Variants in LPP observed in about 807,000 individuals in gnomAD.
LPP encodes LIM domain containing preferred translocation partner in lipoma.
In LPP, 38 loss-of-function variants were observed where a neutral mutation model predicts 60.4. That is an observed-to-expected ratio of 0.63 (90% CI 0.49 to 0.83). The LOEUF (loss-of-function observed/expected upper bound fraction) is 0.83. Ranked by LOEUF, LPP falls within the 40% of genes least tolerant of loss-of-function variation. LPP has a pLI of 0.00. For synonymous variants in LPP, 328 were observed against 290.8 expected (o/e 1.13, Z -1.30); for missense variants, 902 against 783.6 (o/e 1.15, Z -1.80).
Position 188,867,796 on chromosome 3 carries a change from T to C in LPP, c.1589+1418T>C, listed in dbSNP as rs542133892. Among the ~76,000 whole-genome samples, 23 of 152,244 alleles carry C rather than the reference T, an allele frequency of 1.5e-4. No individual in the cohort carries two copies. In the South Asian group the frequency reaches 4.6e-3, roughly 31 times the overall value. Reference sequence around the variant, plus strand: ...GATGAAGCTTGTATTGCTCACCAGGTTGGGTATCCATTCTATGGCTTCCAA... The same window carrying C: ...GATGAAGCTTGTATTGCTCACCAGGCTGGGTATCCATTCTATGGCTTCCAA... On this transcript the variant is annotated intron_variant, in intron 10 of 11. Coordinates refer to ENST00000617246, the MANE Select transcript of LPP (RefSeq NM_001375462.1).
intron 8 of LPP, chr3:188,708,665 C>G (rs1002057624): frequency 3.7e-5 from 20 of 535,510 alleles, no homozygotes; most frequent in Non-Finnish European, 6.3e-5. Flanking sequence ...TTTTACCAGT[C>G]TAGGCAACAT....
intron 3 of LPP, among the ~76,000 whole-genome samples, chr3:188,402,174 A>G (rs1782406972): frequency 6.6e-6 from 1 of 152,192 alleles, no homozygotes. Context: ...ATTCCAGTGT[A>G]GTTATTAAAT....
chr3:188,451,605 TACTC>T (rs1318371049), intron 4 of LPP, among the ~76,000 whole-genome samples: 1 of 152,192 alleles, frequency 6.6e-6, no homozygotes, highest in Admixed American at 6.5e-5. Context: ...TTAATCAAAA[TACTC>T]AAGCAAACAT....
chr3:188,355,450 G>T (rs1560288740), intron 3 of LPP, among the ~76,000 whole-genome samples: 2 of 152,104 alleles, frequency 1.3e-5, no homozygotes, highest in Non-Finnish European at 2.9e-5. Context: ...AAATCCCTCT[G>T]CTTTATAGAC....
At chr3:188,376,860 G>T (rs564026879) in intron 3 of LPP, among the ~76,000 whole-genome samples, 10 of 152,210 alleles carry the variant, frequency 6.6e-5, no homozygotes, top group Non-Finnish European at 1.2e-4. Flanking sequence ...TTCCTTTCCA[G>T]GTTTAGTGCT....
intron 3 of LPP, among the ~76,000 whole-genome samples, chr3:188,402,844 G>C (rs761920062): frequency 1.3e-5 from 2 of 152,156 alleles, no homozygotes; most frequent in Non-Finnish European, 2.9e-5. Context: ...AAAGGAATTA[G>C]GCTACTCTTC....
intron 2 of LPP, among the ~76,000 whole-genome samples, chr3:188,248,203 G>A (rs1383690162): frequency 1.3e-5 from 2 of 151,972 alleles, no homozygotes; most frequent in Non-Finnish European, 2.9e-5. Flanking sequence ...GAATGTAATG[G>A]AAACTCTTGA....
At position 188,426,601 on chromosome 3, in the gene LPP, G is replaced by A. The variant is rs556539478; in HGVS notation, c.193+20288G>A. Among the ~76,000 whole-genome samples the A allele has an allele frequency of 5.3e-5, 8 of 152,156 alleles. No individual in the cohort carries two copies. In the South Asian group the frequency reaches 1.7e-3, roughly 32 times the overall value. On this transcript the variant is annotated intron_variant, in intron 4 of 11. Coordinates refer to ENST00000617246, the MANE Select transcript of LPP (RefSeq NM_001375462.1). ...TGTAGGAGTCTTAGTCTCTTTGTAG[G>A]TCTCTAAGAACTTGCTTTATGGATC...
Position 188,760,152 on chromosome 3 carries a change from G to A in LPP, c.1280G>A (p.Gly427Asp). Residue 427 changes from glycine (G) to aspartate (D), a missense_variant, in exon 9 of 12, where the codon GGT (glycine) becomes GAT (aspartate). Transcript: ENST00000617246. ...TGTGGAGAAAACGTAGTTGGGGAAG[G>A]TACAGGATGCACTGCCATGGATCAG... ...ARCGENVVGE[G>D]TGCTAMDQVF... 1 of 1,614,090 alleles carries A rather than the reference G, an allele frequency of 6.2e-7. No individual in the cohort carries two copies.
Position 188,397,470 on chromosome 3 carries a change from C to CCGTCCTTAT in LPP, c.-9-8634_-9-8633insTCGTCCTTA, listed in dbSNP as rs1280665983. Reference sequence around the variant, plus strand: ...AAAGGCCACTTAGTCAGTATTTGTTCCGTCCTTAACCTTCTCTCCTGAGAG... The same window carrying CCGTCCTTAT: ...AAAGGCCACTTAGTCAGTATTTGTTCCGTCCTTATCGTCCTTAACCTTCTCTCCTGAGAG... On this transcript the variant is annotated intron_variant, in intron 3 of 11. Transcript: ENST00000617246. Among the ~76,000 whole-genome samples the CCGTCCTTAT allele has an allele frequency of 4.6e-5, 7 of 152,244 alleles. No individual in the cohort carries two copies. The East Asian group carries it at 9.7e-4, about 21-fold the overall frequency.
At chr3:188,543,641 C>A (rs938170455) in intron 6 of LPP, among the ~76,000 whole-genome samples, 1 of 152,170 alleles carries the variant, frequency 6.6e-6, no homozygotes, top group Non-Finnish European at 1.5e-5. Context: ...CTCCATGTGG[C>A]ATCTCACTAC....
chr3:188,745,316 C>T (rs1170735155), intron 8 of LPP, among the ~76,000 whole-genome samples: 3 of 152,038 alleles, frequency 2.0e-5, no homozygotes, highest in African/African-American at 7.2e-5. Flanking sequence ...AATGTTTATG[C>T]CCTACATTAT....
At chr3:188,697,174 G>A (rs1863432306) in intron 7 of LPP, among the ~76,000 whole-genome samples, 1 of 152,184 alleles carries the variant, frequency 6.6e-6, no homozygotes, top group Admixed American at 6.5e-5. Flanking sequence ...CTTGCCTAGG[G>A]TGGCATTGTT....
chr3:188,233,649 A>G (rs919810137), intron 2 of LPP, among the ~76,000 whole-genome samples: 20 of 152,190 alleles, frequency 1.3e-4, no homozygotes, highest in Admixed American at 4.6e-4. Context: ...TACATAATGA[A>G]AGTATTCCTG....
At chr3:188,486,973 T>C (rs1412783095) in intron 5 of LPP, among the ~76,000 whole-genome samples, 1 of 152,236 alleles carries the variant, frequency 6.6e-6, no homozygotes, top group Non-Finnish European at 1.5e-5. Flanking sequence ...AGTTGGTTTT[T>C]TGCATATTGT....
Position 188,681,620 on chromosome 3 carries a change from A to G in LPP, c.1114-26647A>G, listed in dbSNP as rs181020956. Among the ~76,000 whole-genome samples the G allele has an allele frequency of 3.8e-4, 58 of 152,318 alleles. 1 individual carries two copies. The South Asian group carries it at 6.4e-3, about 17-fold the overall frequency. Reference sequence around the variant, plus strand: ...GAAACTACACCATGATGCACTTCTCAAAGTATGCTCTTAACTAATACTTAT... The same window carrying G: ...GAAACTACACCATGATGCACTTCTCGAAGTATGCTCTTAACTAATACTTAT... On this transcript the variant is annotated intron_variant, in intron 7 of 11. Coordinates refer to ENST00000617246, the MANE Select transcript of LPP (RefSeq NM_001375462.1).
intron 1 of LPP, among the ~76,000 whole-genome samples, chr3:188,183,007 CAAA>C (rs67824652): frequency 0.44 from 66,117 of 151,286 alleles, 14,666 homozygotes; most frequent in Non-Finnish European, 0.47. Context: ...AGGTGAGGCC[CAAA>C]GAGGTCAATG....
intron 8 of LPP, among the ~76,000 whole-genome samples, chr3:188,731,516 T>TTTTTGTTTGTTTTGTTTTG (rs1553817770): frequency 6.9e-6 from 1 of 145,700 alleles, no homozygotes; most frequent in African/African-American, 2.6e-5. Context: ...TTTTTTGTTT[T>TTTTTGTTTGTTTTGTTTTG]TTTTGTTTTG....
intron 3 of LPP, among the ~76,000 whole-genome samples, chr3:188,389,611 A>T (rs1424035880): frequency 6.6e-6 from 1 of 152,052 alleles, no homozygotes; most frequent in Admixed American, 6.6e-5. Flanking sequence ...CGCCATCTGT[A>T]CTAAAAATAC....
Sources: gnomAD v4.1 joint callset for allele counts (sites outside exome capture counted in the v4.1 genomes callset) on GRCh38, gnomAD v4.1.1 for gene constraint, MANE v1.5 for transcripts, NCBI Gene and HGNC (gene_info 2026-07-23, HGNC 2026-07-21) for gene names.